Variants in SPEN observed in about 807,000 individuals in gnomAD.
SPEN encodes msx2-interacting protein.
Under a neutral mutation model 269.9 loss-of-function variants are expected in SPEN, and 18 were observed. That is an observed-to-expected ratio of 0.07 (90% CI 0.05 to 0.10). The LOEUF (loss-of-function observed/expected upper bound fraction) is 0.10. SPEN is among the 10% of genes least tolerant of loss of function. SPEN has a pLI of 1.00. For synonymous variants in SPEN, 1,726 were observed against 1,765.7 expected, an observed-to-expected ratio of 0.98 and a Z score of 0.56; for missense variants, 3,822 against 4,631.2, an observed-to-expected ratio of 0.83 and a Z score of 5.07.
intron 2 of SPEN, chr1:15,874,085 C>A (rs915390975): frequency 7.5e-7 from 1 of 1,341,406 alleles, no homozygotes; most frequent in Non-Finnish European, 9.9e-7. Flanking sequence ...CTGCCAGCTA[C>A]CTGATTCATA....
rs931091678 is a variant in SPEN, at chr1:15,872,987, G to A, written c.255G>A (p.Pro85=). The A allele has an allele frequency of 5.5e-5, 89 of 1,613,992 alleles. No individual in the cohort carries two copies. Among genetic ancestry groups the A allele is most frequent in the Non-Finnish European group, 7.0e-5 (83 of 1,180,018 alleles). ...ATTATAATGAACCAGGCACCATCCC[G>A]AGTGCTGCTCGGGGATTGGATGATA... The part of the protein sequence containing the change: ...RTDYNEPGTI[P]SAARGLDDTV... The change falls in exon 2 of 15, where the codon CCG becomes CCA. Residue 85 remains proline, a synonymous_variant. Transcript: ENST00000375759.
At chr1:15,889,515 T>A (rs1375468397) in intron 3 of SPEN, among the ~76,000 whole-genome samples, 1 of 152,030 alleles carries the variant, frequency 6.6e-6, no homozygotes, top group Non-Finnish European at 1.5e-5. Context: ...TTATTCTTTA[T>A]ACAAGCACCC....
chr1:15,886,370 G>A (rs972056255), intron 3 of SPEN, among the ~76,000 whole-genome samples: 1 of 152,178 alleles, frequency 6.6e-6, no homozygotes, highest in African/African-American at 2.4e-5. Context: ...TGTTGTTTGT[G>A]ACTCGAACCA....
intron 1 of SPEN, among the ~76,000 whole-genome samples, chr1:15,868,899 A>G (rs1005932793): frequency 3.3e-5 from 5 of 152,224 alleles, no homozygotes; most frequent in African/African-American, 1.2e-4. Context: ...GGTTATGTTC[A>G]AATTGTAGGA....
At position 15,928,084 on chromosome 1, in the gene SPEN, T is replaced by C. The variant is rs776277873; in HGVS notation, c.1851-7T>C. On this transcript the variant is annotated splice_polypyrimidine_tract_variant and splice_region_variant and intron_variant, in intron 10 of 14. Transcript: ENST00000375759. The surrounding 1 kb of genome is among the most constrained non-coding windows in gnomAD (Gnocchi z 5.7). ...AAAGAACTAATATCTTTGTTATTTT[T>C]TGGCAGAGAGGAACGAAGGGCATCC... is the stretch of plus-strand genomic sequence containing the variant. 1 of 1,578,070 alleles carries C rather than the reference T, an allele frequency of 6.3e-7. No homozygotes were observed. Among genetic ancestry groups the C allele is most frequent in the Non-Finnish European group, 8.6e-7 (1 of 1,159,204 alleles).
intron 3 of SPEN, among the ~76,000 whole-genome samples, chr1:15,881,632 G>A (rs2070688368): frequency 2.0e-5 from 3 of 152,214 alleles, no homozygotes; most frequent in Admixed American, 6.5e-5. Context: ...CAAAATTGAT[G>A]TAGATAGCTA....
chr1:15,848,548 C>T lies in SPEN; in HGVS notation c.83+398C>T, dbSNP rs1453052275. On this transcript the variant is annotated intron_variant, in intron 1 of 14. Transcript: ENST00000375759. This position sits in a 1 kb window ranked among gnomAD's most constrained non-coding sequence, Gnocchi z 5.1. ...CGGAGCAGCCGGGACCCGAGCCCGCCCGACAGCCGGGTCCGGCGCCGCCAC... is the reference window on the plus strand; with the variant it reads ...CGGAGCAGCCGGGACCCGAGCCCGCTCGACAGCCGGGTCCGGCGCCGCCAC... Among the ~76,000 whole-genome samples, 1 of 152,040 alleles carries T rather than the reference C, an allele frequency of 6.6e-6. No homozygotes were observed. The highest frequency in any genetic ancestry group is 2.4e-5 in the African/African-American group (1 of 41,442).
intron 1 of SPEN, among the ~76,000 whole-genome samples, chr1:15,852,953 C>T (rs1332058052): frequency 6.6e-6 from 1 of 152,102 alleles, no homozygotes; most frequent in Non-Finnish European, 1.5e-5. Flanking sequence ...ACCTCCCAAG[C>T]TCAAGTGATC....
At chr1:15,923,769 A>G (rs543501471) in intron 10 of SPEN, among the ~76,000 whole-genome samples, 1 of 151,758 alleles carries the variant, frequency 6.6e-6, no homozygotes, top group South Asian at 2.1e-4. Flanking sequence ...TTGCTGGTTC[A>G]AGCGATTCTC....
At chr1:15,849,936 TCA>T (rs1491327384) in intron 1 of SPEN, among the ~76,000 whole-genome samples, 4 of 152,286 alleles carry the variant, frequency 2.6e-5, no homozygotes, top group African/African-American at 9.6e-5. Context: ...CGCTCGCTCC[TCA>T]GTGTTATGTG....
intron 3 of SPEN, among the ~76,000 whole-genome samples, chr1:15,894,839 G>T (rs2070825049): frequency 6.6e-6 from 1 of 151,756 alleles, no homozygotes; most frequent in Non-Finnish European, 1.5e-5. Context: ...GGCCCATATT[G>T]TATTTTTAAT....
At chr1:15,869,980 C>A (rs1406572763) in intron 1 of SPEN, among the ~76,000 whole-genome samples, 1 of 151,934 alleles carries the variant, frequency 6.6e-6, no homozygotes, top group Non-Finnish European at 1.5e-5. Context: ...GCGATTCTCC[C>A]GCTTTAGCCT....
At chr1:15,866,131 T>G (rs2070506253) in intron 1 of SPEN, among the ~76,000 whole-genome samples, 1 of 152,112 alleles carries the variant, frequency 6.6e-6, no homozygotes, top group South Asian at 2.1e-4. Context: ...CTATGAAAAA[T>G]CTTGCTCACC....
intron 1 of SPEN, among the ~76,000 whole-genome samples, chr1:15,855,597 T>A (rs1377793768): frequency 6.6e-6 from 1 of 152,152 alleles, no homozygotes; most frequent in Admixed American, 6.6e-5. Context: ...CGGTGGCTCA[T>A]GCCTGTAATC....
chr1:15,920,865 T>G lies in SPEN; in HGVS notation c.1636-5T>G, dbSNP rs199878949. 24 of 1,577,898 alleles carry G rather than the reference T, an allele frequency of 1.5e-5. No homozygotes were observed. In the East Asian group the frequency reaches 5.5e-4, roughly 36 times the overall value. On this transcript the variant is annotated splice_polypyrimidine_tract_variant and splice_region_variant and intron_variant, in intron 8 of 14. Transcript: ENST00000375759. ...TTACTTGTTTTTTGTTTGTTTGTTT[T>G]ACAGGTGGTGTTTGACCGCTTAAAA...
At position 15,936,244 on chromosome 1, in the gene SPEN, C is replaced by G. The variant is rs770262670; in HGVS notation, c.10004C>G (p.Ser3335Cys). Residue 3335 changes from serine to cysteine, a missense_variant, in exon 11 of 15, where the codon TCC becomes TGC. Physicochemically the swap from Ser to Cys is moderately radical, Grantham distance 112. This residue lies in a region of SPEN where 359 missense variants were observed against 377.3 expected (regional missense o/e 0.95). Transcript: ENST00000375759. ...GCCGCTTCCTCTGTTGGCCTGCCTT[C>G]CCGGACCAAGACAGCTGCTCAGGTG... Reference protein sequence around the residue: ...FPAASSVGLPSRTKTAAQGPP... With the variant: ...FPAASSVGLPCRTKTAAQGPP... The G allele has an allele frequency of 6.4e-7, 1 of 1,553,970 alleles. No individual in the cohort carries two copies. The highest frequency in any genetic ancestry group is 8.8e-7 in the Non-Finnish European group (1 of 1,142,206).
At chr1:15,850,784 C>T (rs1224726160) in intron 1 of SPEN, among the ~76,000 whole-genome samples, 1 of 152,176 alleles carries the variant, frequency 6.6e-6, no homozygotes, top group Non-Finnish European at 1.5e-5. Context: ...AGAACGATGG[C>T]TCTGCAAGAA....
chr1:15,904,206 G>C (rs1238483467), intron 3 of SPEN, among the ~76,000 whole-genome samples: 3 of 151,920 alleles, frequency 2.0e-5, no homozygotes, highest in Admixed American at 2.0e-4. Context: ...GGCCGAGCGC[G>C]GTGGCTTATG....
At position 15,873,003 on chromosome 1, in the gene SPEN, T is replaced by C; in HGVS notation, c.271T>C (p.Leu91=). The part of the protein sequence containing the change: ...PGTIPSAARG[L]DDTVSIASRS... The stretch of plus-strand genomic sequence containing the variant: ...CACCATCCCGAGTGCTGCTCGGGGA[T>C]TGGATGATACAGTTTCCATAGCATC... The change falls in exon 2 of 15, where the codon TTG becomes CTG. Residue 91 remains leucine (L), a synonymous_variant. Coordinates refer to ENST00000375759, the MANE Select transcript of SPEN (RefSeq NM_015001.3). 6.2e-7 allele frequency: 1 copy of C among 1,614,066 alleles called. No homozygotes were observed. Among genetic ancestry groups the C allele is most frequent in the East Asian group, 2.2e-5 (1 of 44,872 alleles).
Sources: gnomAD v4.1 joint callset for allele counts (sites outside exome capture counted in the v4.1 genomes callset) on GRCh38, gnomAD v4.1.1 for gene constraint, gnomAD v4.1.1 regional missense constraint, Gnocchi (gnomAD v3.1) non-coding constraint, MANE v1.5 for transcripts, NCBI Gene and HGNC (gene_info 2026-07-23, HGNC 2026-07-21) for gene names.